LITAF: variants seen among roughly 807,000 people sequenced by gnomAD.
The protein encoded by LITAF is lipopolysaccharide induced TNF factor, also known as lipopolysaccharide-induced tumor necrosis factor-alpha factor.
LITAF carries 9 observed loss-of-function variants against 14.5 expected under a neutral mutation model. The ratio of observed to expected loss-of-function variants is 0.62; its 90% CI spans 0.37 to 1.08. The LOEUF is 1.08. LITAF is among the 50% of genes least tolerant of loss of function. The pLI, the probability that LITAF is intolerant of heterozygous loss-of-function variation, is 0.01. For missense variants in LITAF, 206 were observed against 213.4 expected (o/e 0.97, Z 0.22); for synonymous variants, 98 against 88.2 (o/e 1.11, Z -0.62).
chr16:11,633,934 C>T (rs1350648640), intron 2 of LITAF, among the ~76,000 whole-genome samples: 1 of 152,138 alleles, frequency 6.6e-6, no homozygotes, highest in Non-Finnish European at 1.5e-5. Context: ...TGAATTGATG[C>T]ATGGATAGCA....
At position 11,619,092 on chromosome 16, in the gene LITAF, C is replaced by T. The variant is rs575961096; in HGVS notation, c.85+14441G>A. On this transcript the variant is annotated intron_variant, in intron 3 of 3. Coordinates refer to the LITAF transcript ENST00000574848. ...TTGGGAGGCCAAGGCAGGCAGGTCA[C>T]TTGAGGTCAGGAGTTCGAGACCAGC... Among the ~76,000 whole-genome samples, 9 of 151,946 alleles carry T rather than the reference C, an allele frequency of 5.9e-5. No homozygotes were observed. The East Asian group carries it at 1.7e-3, about 29-fold the overall frequency.
At chr16:11,568,978 C>T (rs2064500578) in intron 1 of LITAF, among the ~76,000 whole-genome samples, 1 of 152,136 alleles carries the variant, frequency 6.6e-6, no homozygotes, top group African/African-American at 2.4e-5. Flanking sequence ...CTGTGTTCAG[C>T]CTGACACCAC....
At chr16:11,593,043 C>T (rs928358817) in intron 1 of LITAF, among the ~76,000 whole-genome samples, 14 of 152,080 alleles carry the variant, frequency 9.2e-5, no homozygotes, top group African/African-American at 2.7e-4. Flanking sequence ...TTATGGCAGG[C>T]GCCTGTAGCC....
chr16:11,584,607 C>T (rs1567253504), intron 1 of LITAF, among the ~76,000 whole-genome samples: 1 of 152,124 alleles, frequency 6.6e-6, no homozygotes, highest in African/African-American at 2.4e-5. Context: ...TTCCTTCTGC[C>T]ACATGTGCTC....
chr16:11,635,027 C>G (rs1442040375), intron 2 of LITAF, among the ~76,000 whole-genome samples: 1 of 150,166 alleles, frequency 6.7e-6, no homozygotes, highest in African/African-American at 2.4e-5. Flanking sequence ...CAGTGAGACT[C>G]CATCTCAAAA....
In LITAF at chr16:11,553,624, A is replaced by G. The variant is rs2064218359; in HGVS notation, c.286T>C (p.Cys96Arg). ...ACGATCATCTTGTTGCAGGAAGGACAACACATTTGGATAGGGCGGTCCAAA... is the reference window on the plus strand; with the variant it reads ...ACGATCATCTTGTTGCAGGAAGGACGACACATTTGGATAGGGCGGTCCAAA... ...TFLDRPIQMC[C>R]PSCNKMIVSQ... Residue 96 changes from cysteine (C) to arginine (R), a missense_variant, in exon 3 of 4, where the codon TGT becomes CGT. Coordinates refer to ENST00000622633, the MANE Select transcript of LITAF (RefSeq NM_001136472.2). This position sits in a 1 kb window ranked among gnomAD's most constrained non-coding sequence, Gnocchi z 7.7. 1 of 1,614,180 alleles carries G rather than the reference A, an allele frequency of 6.2e-7. No individual in the cohort carries two copies. Among genetic ancestry groups the G allele is most frequent in the Non-Finnish European group, 8.5e-7 (1 of 1,180,040 alleles).
At chr16:11,602,589 G>A (rs1296741183), upstream of LITAF, among the ~76,000 whole-genome samples, 1 of 152,054 alleles carries the variant, frequency 6.6e-6, no homozygotes, top group Admixed American at 6.6e-5. Context: ...GGGTTATGAC[G>A]AGCCACCTTT....
chr16:11,570,258 C>G (rs1213469982), intron 1 of LITAF, among the ~76,000 whole-genome samples: 1 of 152,148 alleles, frequency 6.6e-6, no homozygotes, highest in Non-Finnish European at 1.5e-5. Context: ...GAGCAAAATA[C>G]ACCGGAACAT....
chr16:11,607,954 AC>A (rs1406801027), intron 3 of LITAF, among the ~76,000 whole-genome samples: 4 of 151,996 alleles, frequency 2.6e-5, no homozygotes, highest in Admixed American at 6.6e-5. Flanking sequence ...CCAGTTAAGA[AC>A]CCCTGTCCCA....
chr16:11,574,724 A>G (rs967067142), intron 1 of LITAF, among the ~76,000 whole-genome samples: 4 of 152,124 alleles, frequency 2.6e-5, no homozygotes, highest in Admixed American at 2.6e-4. Flanking sequence ...CTATTTGGTA[A>G]GAAGACGTTC....
chr16:11,569,655 A>G (rs1297278297), intron 1 of LITAF, among the ~76,000 whole-genome samples: 1 of 152,138 alleles, frequency 6.6e-6, no homozygotes, highest in African/African-American at 2.4e-5. Context: ...TGAACACCCA[A>G]CTGTTACTCA....
intron 1 of LITAF, among the ~76,000 whole-genome samples, chr16:11,582,907 G>A (rs546771008): frequency 6.6e-6 from 1 of 152,160 alleles, no homozygotes; most frequent in Non-Finnish European, 1.5e-5. Flanking sequence ...CACCTGGCAG[G>A]TTTTAAGCTA....
Position 11,549,711 on chromosome 16 carries a change from C to A in LITAF, c.412G>T (p.Val138Leu). 1 of 1,613,754 alleles carries A rather than the reference C, an allele frequency of 6.2e-7. No individual in the cohort carries two copies. Among genetic ancestry groups the A allele is most frequent in the Non-Finnish European group, 8.5e-7 (1 of 1,179,860 alleles). ...TGGTCCACGTCCTGCAGGGCATCCA[C>A]GCAGAAGGGGATGAAGCAGCAGCCC... ...IAGCCFIPFCVDALQDVDHYC... is the reference protein window; with the variant it reads ...IAGCCFIPFCLDALQDVDHYC... Residue 138 changes from valine to leucine, a missense_variant, in exon 4 of 4, where the codon GTG becomes TTG. Transcript: ENST00000622633. The surrounding 1 kb of genome is among the most constrained non-coding windows in gnomAD (Gnocchi z 4.6).
Position 11,597,940 on chromosome 16 carries a change from G to A in LITAF, c.-6+448C>T, listed in dbSNP as rs1376044232. ...TTTCTTTGTAGAGACAGGGTCTTGTGTAGTCACCCAGGCTGGAGTGCAGTG... is the reference window on the plus strand; with the variant it reads ...TTTCTTTGTAGAGACAGGGTCTTGTATAGTCACCCAGGCTGGAGTGCAGTG... On this transcript the variant is annotated intron_variant, in intron 1 of 3. Transcript: ENST00000571627. 3.9e-5 allele frequency among the ~76,000 whole-genome samples: 6 copies of A among 152,222 alleles called. No individual in the cohort carries two copies. The East Asian group carries it at 9.6e-4, about 24-fold the overall frequency.
intron 1 of LITAF, among the ~76,000 whole-genome samples, chr16:11,576,554 A>AAAAAAAC (rs1555469756): frequency 3.4e-5 from 4 of 116,658 alleles, no homozygotes; most frequent in Non-Finnish European, 7.0e-5. Flanking sequence ...AAAAAAAAAA[A>AAAAAAAC]AGAGAGAGAG....
chr16:11,566,082 G>C (rs567824713), intron 1 of LITAF, among the ~76,000 whole-genome samples: 1 of 152,222 alleles, frequency 6.6e-6, no homozygotes, highest in East Asian at 1.9e-4. Context: ...AAAAGGACCA[G>C]AGCAACTTGG....
chr16:11,625,083 T>C (rs749534142), intron 3 of LITAF, among the ~76,000 whole-genome samples: 45 of 152,166 alleles, frequency 3.0e-4, no homozygotes, highest in Admixed American at 5.2e-4. Context: ...TGCCAACTCA[T>C]TGAAGCTGAG....
At chr16:11,586,967 G>C (rs537111930), upstream of LITAF, 3 of 150,950 alleles carry the variant, frequency 2.0e-5, no homozygotes, top group Non-Finnish European at 4.4e-5. This position sits in a 1 kb window ranked among gnomAD's most constrained non-coding sequence, Gnocchi z 6.5. Flanking sequence ...CGGCGGGGAC[G>C]GGGGCGGGGG....
intron 3 of LITAF, among the ~76,000 whole-genome samples, chr16:11,619,399 C>A (rs566415371): frequency 1.1e-4 from 16 of 152,266 alleles, no homozygotes; most frequent in Non-Finnish European, 7.4e-5. Context: ...GACCAGTGCC[C>A]CAAAGGCCCC....
Sources: gnomAD v4.1 joint callset for allele counts (sites outside exome capture counted in the v4.1 genomes callset) on GRCh38, gnomAD v4.1.1 for gene constraint, Gnocchi (gnomAD v3.1) non-coding constraint, MANE v1.5 for transcripts, NCBI Gene and HGNC (gene_info 2026-07-23, HGNC 2026-07-21) for gene names.